Variants in NUDCD3 observed in about 807,000 individuals in gnomAD.
The protein encoded by NUDCD3 is NudC domain containing 3, also known as nudC domain-containing protein 3.
A neutral mutation model predicts 39.7 loss-of-function variants in NUDCD3; 13 were observed. The observed-to-expected ratio is 0.33, with a 90% CI of 0.21 to 0.52. The LOEUF (loss-of-function observed/expected upper bound fraction) is 0.52, where lower values mean the gene tolerates loss of function less well. NUDCD3 is among the 20% of genes least tolerant of loss of function. The pLI is 0.96. For missense variants in NUDCD3, 453 were observed against 458.1 expected, an observed-to-expected ratio of 0.99 and a Z score of 0.10; for synonymous variants, 175 against 172.4, an observed-to-expected ratio of 1.02 and a Z score of -0.12.
At chr7:44,459,855 C>G (rs1799973877) in intron 2 of NUDCD3, among the ~76,000 whole-genome samples, 1 of 152,138 alleles carries the variant, frequency 6.6e-6, no homozygotes, top group African/African-American at 2.4e-5. Flanking sequence ...TTCCTTTTAA[C>G]AGGAAAATTT....
At position 44,391,514 on chromosome 7, in the gene NUDCD3, G is replaced by C. The variant is rs372598806; in HGVS notation, c.975+783C>G. 4.9e-4 allele frequency among the ~76,000 whole-genome samples: 75 copies of C among 152,218 alleles called. No individual in the cohort carries two copies. In the South Asian group the frequency reaches 0.015, roughly 30 times the overall value. On this transcript the variant is annotated intron_variant, in intron 5 of 5. Coordinates refer to ENST00000355451, the MANE Select transcript of NUDCD3 (RefSeq NM_015332.4). ...GAAAATATCGATCAGCGATCTTCAG[G>C]GGGAGGAGGCGGTCCGTGTTTACAG...
At chr7:44,406,040 C>T (rs993497747) in intron 3 of NUDCD3, among the ~76,000 whole-genome samples, 8 of 152,186 alleles carry the variant, frequency 5.3e-5, no homozygotes, top group Admixed American at 2.6e-4. Flanking sequence ...CCCAAGTGAT[C>T]CTACTGCCTC....
intron 2 of NUDCD3, among the ~76,000 whole-genome samples, chr7:44,475,296 G>A (rs1376737279): frequency 6.6e-6 from 1 of 151,906 alleles, no homozygotes; most frequent in Non-Finnish European, 1.5e-5. Context: ...ATTTTTAGTA[G>A]AGACAGGCTG....
Position 44,381,241 on chromosome 7 carries a change from G to C in NUDCD3, c.*4770C>G, listed in dbSNP as rs1248075219. The C allele has an allele frequency of 6.6e-6, 1 of 152,326 alleles. No individual in the cohort carries two copies. Among genetic ancestry groups the C allele is most frequent in the Admixed American group, 6.5e-5 (1 of 15,294 alleles). 9.4% of individuals were successfully genotyped at this position (152,326 alleles called of 1,614,324 possible). On this transcript the variant is annotated 3_prime_UTR_variant, in exon 6 of 6. Transcript: ENST00000355451. ...TTGATGAACAGTCCACTGGGAATGG[G>C]GCCTGCAGTGGCCCTGGATGATTTC...
At chr7:44,419,954 G>A (rs1317842611) in intron 3 of NUDCD3, among the ~76,000 whole-genome samples, 2 of 152,034 alleles carry the variant, frequency 1.3e-5, no homozygotes, top group East Asian at 1.9e-4. Context: ...CCAAATGATC[G>A]CAACTCCTCT....
rs1799265255 is a variant in NUDCD3, at chr7:44,427,708, G to C, written c.510-5C>G. On this transcript the variant is annotated splice_polypyrimidine_tract_variant and splice_region_variant and intron_variant, in intron 2 of 5. Transcript: ENST00000355451. Reference sequence around the variant, plus strand: ...TTCTGGAACTGCTCCTGAATCCTGAGAAAGAATAAAAAATGTGATCCCAGT... The same window carrying C: ...TTCTGGAACTGCTCCTGAATCCTGACAAAGAATAAAAAATGTGATCCCAGT... The C allele has an allele frequency of 2.5e-6, 4 of 1,613,570 alleles. No individual in the cohort carries two copies. Among genetic ancestry groups the C allele is most frequent in the Non-Finnish European group, 3.4e-6 (4 of 1,179,854 alleles).
chr7:44,396,626 A>G (rs541621548), intron 4 of NUDCD3, among the ~76,000 whole-genome samples: 1 of 152,074 alleles, frequency 6.6e-6, no homozygotes, highest in Admixed American at 6.5e-5. Flanking sequence ...TAAGTCATTG[A>G]GCTGACAAGC....
chr7:44,409,245 A>C (rs1023716032), intron 3 of NUDCD3, among the ~76,000 whole-genome samples: 1 of 152,212 alleles, frequency 6.6e-6, no homozygotes, highest in Non-Finnish European at 1.5e-5. Flanking sequence ...ATAAAGGCTA[A>C]GGCAGTTTTT....
chr7:44,469,589 TATTA>T (rs1800209900), intron 2 of NUDCD3, among the ~76,000 whole-genome samples: 1 of 152,168 alleles, frequency 6.6e-6, no homozygotes, highest in Non-Finnish European at 1.5e-5. Context: ...ACAAGATACT[TATTA>T]ATTACAAAAA....
chr7:44,482,230 C>A (rs1800506742), intron 2 of NUDCD3, among the ~76,000 whole-genome samples: 1 of 152,118 alleles, frequency 6.6e-6, no homozygotes, highest in Non-Finnish European at 1.5e-5. Flanking sequence ...GTGTAAAGTG[C>A]AACTCCATGA....
chr7:44,417,761 GA>G (rs1799055761), intron 3 of NUDCD3, among the ~76,000 whole-genome samples: 1 of 152,196 alleles, frequency 6.6e-6, no homozygotes, highest in Non-Finnish European at 1.5e-5. Context: ...AAACAGACAG[GA>G]AGTAGTCATT....
intron 2 of NUDCD3, chr7:44,481,465 G>C (rs1451738907): frequency 6.6e-6 from 1 of 152,178 alleles, no homozygotes; most frequent in Non-Finnish European, 1.5e-5. Context: ...AGATCACCTA[G>C]GACAATCACC....
intron 2 of NUDCD3, among the ~76,000 whole-genome samples, chr7:44,452,203 G>T (rs984351494): frequency 3.9e-5 from 6 of 152,344 alleles, no homozygotes; most frequent in Admixed American, 1.3e-4. Context: ...AGCACTTTGG[G>T]AGGCCAAGGC....
At chr7:44,414,127 C>T (rs1024194586) in intron 3 of NUDCD3, among the ~76,000 whole-genome samples, 2 of 151,928 alleles carry the variant, frequency 1.3e-5, no homozygotes, top group Non-Finnish European at 2.9e-5. Context: ...TATGAAAATG[C>T]ATATACGCAA....
chr7:44,484,524 G>A (rs940789482), intron 2 of NUDCD3: 3 of 158,632 alleles, frequency 1.9e-5, no homozygotes, highest in Admixed American at 1.2e-4. Flanking sequence ...ATACATTCAG[G>A]AAGCGGCATA....
chr7:44,412,581 A>C (rs1019196598), intron 3 of NUDCD3, among the ~76,000 whole-genome samples: 21 of 152,232 alleles, frequency 1.4e-4, no homozygotes, highest in African/African-American at 5.1e-4. Flanking sequence ...TGCCACTTAG[A>C]AGTCTTCTAT....
chr7:44,385,943 G>T lies in NUDCD3; in HGVS notation c.*68C>A. On this transcript the variant is annotated 3_prime_UTR_variant, in exon 6 of 6. Coordinates refer to ENST00000355451, the MANE Select transcript of NUDCD3 (RefSeq NM_015332.4). ...CGAGCAAGTCCCTGGAATGCAGGGA[G>T]CCAAGAAGGGCAGCCGAGGATAAGG... 1.2e-6 allele frequency: 1 copy of T among 812,402 alleles called. No individual in the cohort carries two copies. Among genetic ancestry groups the T allele is most frequent in the Non-Finnish European group, 2.2e-6 (1 of 456,540 alleles). The allele number at this position is 812,402 out of a possible 1,614,324, so 50.3% of individuals were successfully genotyped here. A position where few individuals can be genotyped will look rare whatever the true frequency, so the allele number is the denominator to read the frequency against.
chr7:44,488,895 C>G (rs1800673985), intron 1 of NUDCD3, among the ~76,000 whole-genome samples: 2 of 152,150 alleles, frequency 1.3e-5, no homozygotes, highest in Non-Finnish European at 2.9e-5. Flanking sequence ...AAAGACCAAC[C>G]TCTCAGGTTA....
At chr7:44,396,127 T>TGTGTG (rs1563164537) in intron 4 of NUDCD3, among the ~76,000 whole-genome samples, 83 of 124,674 alleles carry the variant, frequency 6.7e-4, no homozygotes, top group African/African-American at 2.7e-3. Context: ...GTGTGTGTGT[T>TGTGTG]TAATTACAGC....
Sources: allele counts gnomAD v4.1 joint callset (sites outside exome capture counted in the v4.1 genomes callset), GRCh38; gene constraint gnomAD v4.1.1; transcripts MANE v1.5; gene names NCBI Gene and HGNC (gene_info 2026-07-23, HGNC 2026-07-21).